Variants in STAB2 observed in about 807,000 individuals in gnomAD.
STAB2 encodes stabilin-2.
A neutral mutation model predicts 338.1 loss-of-function variants in STAB2; 288 were observed. The ratio of observed to expected loss-of-function variants is 0.85; its 90% CI spans 0.77 to 0.94. The LOEUF is 0.94. Among genes scored for constraint, STAB2 ranks in the 40% least tolerant of loss-of-function variants. STAB2 has a pLI of 0.00. For missense variants in STAB2, 3,141 were observed against 3,210.1 expected (o/e 0.98, Z 0.52); for synonymous variants, 1,202 against 1,193.3 (o/e 1.01, Z -0.15).
chr12:103,763,232 T>A, intron 67 of STAB2: 1 of 431,582 alleles, frequency 2.3e-6, no homozygotes, highest in Non-Finnish European at 4.2e-6. Context: ...GCTAAGAGCA[T>A]GTGAACACAT....
intron 44 of STAB2, among the ~76,000 whole-genome samples, chr12:103,718,840 C>T (rs140738298): frequency 8.4e-4 from 128 of 152,322 alleles, no homozygotes; most frequent in Non-Finnish European, 1.7e-3. Flanking sequence ...GGTTGGTTTG[C>T]TTCTTGGGAC....
chr12:103,620,663 A>G, intron 4 of STAB2, 110 bp downstream of exon 4: 1 of 935,270 alleles, frequency 1.1e-6, no homozygotes. Flanking sequence ...ACGTGCACAC[A>G]CACATATACA....
intron 43 of STAB2, 115 bp from the exon 44 acceptor site, chr12:103,717,653 TAG>T: frequency 1.3e-6 from 1 of 786,076 alleles, no homozygotes; most frequent in South Asian, 1.6e-5. Context: ...CAACGTCAAA[TAG>T]AGACTCTCCT....
chr12:103,588,656 G>C (rs1038963368), intron 1 of STAB2, among the ~76,000 whole-genome samples: 1 of 152,076 alleles, frequency 6.6e-6, no homozygotes, highest in Non-Finnish European at 1.5e-5. Flanking sequence ...CATTTGAAAA[G>C]GGCAATTTGA....
intron 52 of STAB2, among the ~76,000 whole-genome samples, chr12:103,737,284 C>T (rs930872230): frequency 7.9e-5 from 12 of 152,232 alleles, no homozygotes; most frequent in African/African-American, 2.2e-4. Context: ...CAAATGCCCA[C>T]ACCACCATTC....
intron 34 of STAB2, 125 bp from the exon 35 acceptor site, chr12:103,703,023 T>C (rs1322141338): frequency 3.6e-6 from 4 of 1,116,862 alleles, no homozygotes; most frequent in African/African-American, 1.6e-5. Context: ...CAAGTGACTA[T>C]TATATCTCCA....
chr12:103,634,234 A>G (rs1281846933), intron 6 of STAB2, among the ~76,000 whole-genome samples: 1 of 152,194 alleles, frequency 6.6e-6, no homozygotes, highest in Non-Finnish European at 1.5e-5. Context: ...ACTGGCTACT[A>G]TTGGTATTTT....
chr12:103,734,794 C>T (rs1881976042), intron 51 of STAB2, among the ~76,000 whole-genome samples: 1 of 152,118 alleles, frequency 6.6e-6, no homozygotes, highest in South Asian at 2.1e-4. Flanking sequence ...AAGGAGCTGG[C>T]AAGGTTGTTC....
At chr12:103,703,097 CAT>C (rs1347242545) in intron 34 of STAB2, 49 bp from the exon 35 acceptor site, 1 of 1,577,686 alleles carries the variant, frequency 6.3e-7, no homozygotes, top group East Asian at 2.3e-5. Flanking sequence ...CTATCTTTTC[CAT>C]ATCTCTTTAA....
rs138573412 is a variant in STAB2, at chr12:103,753,233, G to A, written c.6594G>A (p.Gly2198=). Residue 2198 remains glycine (G), a synonymous_variant, in exon 61 of 69, where the codon GGG becomes GGA. Transcript: ENST00000388887. ...TTCCTCATCCAGATACCACTGTTGG[G>A]GTGTTCCATCTACGCTCCCCACTGG... is the stretch of plus-strand genomic sequence containing the variant. ...VDLHFQDTTV[G]VFHLRSPLGQ... is the part of the protein sequence containing the mutation. 3.8e-5 allele frequency: 62 copies of A among 1,614,154 alleles called. No homozygotes were observed. In the African/African-American group the frequency reaches 7.5e-4, roughly 19 times the overall value.
chr12:103,715,420 T>C (rs570037282), intron 42 of STAB2, among the ~76,000 whole-genome samples: 1 of 152,356 alleles, frequency 6.6e-6, no homozygotes, highest in East Asian at 1.9e-4. Context: ...CATCTTTTGA[T>C]GATTCTTCCC....
In STAB2 at chr12:103,699,091, T is replaced by G. The variant is rs1878639653; in HGVS notation, c.3583-5T>G. ...GACTGACTTCCAATTCTGTGTGTGA[T>G]CCAGGAGGAGGACGTCCTCCGGTAT... On this transcript the variant is annotated splice_polypyrimidine_tract_variant and splice_region_variant and intron_variant, in intron 33 of 68. Coordinates refer to ENST00000388887, the MANE Select transcript of STAB2 (RefSeq NM_017564.10). 1 of 1,607,124 alleles carries G rather than the reference T, an allele frequency of 6.2e-7. No individual in the cohort carries two copies. The highest frequency in any genetic ancestry group is 1.3e-5 in the African/African-American group (1 of 74,768).
At chr12:103,765,030 T>C (rs1367372456) in intron 68 of STAB2, among the ~76,000 whole-genome samples, 1 of 131,222 alleles carries the variant, frequency 7.6e-6, no homozygotes, top group Admixed American at 9.7e-5. Flanking sequence ...GAGGTTGCAG[T>C]GAGCAGAGAT....
chr12:103,762,062 T>C (rs1317734833), intron 66 of STAB2, among the ~76,000 whole-genome samples: 1 of 152,182 alleles, frequency 6.6e-6, no homozygotes, highest in East Asian at 1.9e-4. Flanking sequence ...CCCACAATAA[T>C]AACTCTCCCT....
intron 52 of STAB2, 144 bp from the exon 53 acceptor site, chr12:103,737,490 T>C: frequency 1.2e-6 from 1 of 845,268 alleles, no homozygotes; most frequent in Non-Finnish European, 1.8e-6. Flanking sequence ...TACATGGGGT[T>C]TTATTAAGTT....
intron 1 of STAB2, among the ~76,000 whole-genome samples, chr12:103,588,471 G>A (rs1956746760): frequency 6.6e-6 from 1 of 152,088 alleles, no homozygotes; most frequent in Non-Finnish European, 1.5e-5. Flanking sequence ...TCCACAAATG[G>A]TAGTAATTAT....
chr12:103,706,715 C>A, intron 37 of STAB2, 77 bp from the exon 38 acceptor site: 1 of 1,575,990 alleles, frequency 6.3e-7, no homozygotes. Context: ...AAGTCACCCA[C>A]AGCAGGATTT....
At chr12:103,763,854 G>A in intron 68 of STAB2, 1 of 367,384 alleles carries the variant, frequency 2.7e-6, no homozygotes, top group Non-Finnish European at 4.9e-6. Context: ...ACAAGAGGTT[G>A]TTATCCAAGC....
intron 68 of STAB2, among the ~76,000 whole-genome samples, chr12:103,765,046 C>G (rs1884824878): frequency 7.6e-6 from 1 of 131,128 alleles, no homozygotes; most frequent in South Asian, 2.5e-4. Flanking sequence ...GAGATTGCAC[C>G]ACTGCACTCC....
Sources: gnomAD v4.1 joint callset for allele counts (sites outside exome capture counted in the v4.1 genomes callset) on GRCh38, gnomAD v4.1.1 for gene constraint, MANE v1.5 for transcripts, NCBI Gene and HGNC (gene_info 2026-07-23, HGNC 2026-07-21) for gene names.